The following MKRN2 variants were observed in gnomAD, a reference collection of about 807,000 sequenced individuals.
MKRN2 encodes the protein E3 ubiquitin-protein ligase makorin-2.
MKRN2 carries 32 observed loss-of-function variants against 45.4 expected under a neutral mutation model. The ratio of observed to expected loss-of-function variants is 0.70; its 90% confidence interval spans 0.53 to 0.95. MKRN2 has a LOEUF of 0.95. Ranked by LOEUF, MKRN2 falls within the 40% of genes least tolerant of loss-of-function variation. The pLI is 0.00. For synonymous variants in MKRN2, 206 were observed against 192.4 expected (o/e 1.07, Z -0.59); for missense variants, 526 against 536.7 (o/e 0.98, Z 0.20).
intron 1 of MKRN2, chr3:12,561,049 T>A (rs1199380737): frequency 6.6e-6 from 1 of 152,208 alleles, no homozygotes; most frequent in Non-Finnish European, 1.5e-5. Flanking sequence ...TGGTGACATA[T>A]GCTACAAAAA....
intron 6 of MKRN2, among the ~76,000 whole-genome samples, chr3:12,580,792 C>A (rs1352760417): frequency 6.6e-6 from 1 of 152,302 alleles, no homozygotes; most frequent in South Asian, 2.1e-4. Flanking sequence ...ATGAAGCCGT[C>A]CTCAGAGAAC....
chr3:12,572,472 T>G, intron 4 of MKRN2, 99 bp downstream of exon 4: 2 of 1,113,396 alleles, frequency 1.8e-6, no homozygotes, highest in Non-Finnish European at 2.4e-6. Flanking sequence ...AAATCTGAAA[T>G]GTACTAAGTG....
chr3:12,581,028 G>T (rs377377207), intron 6 of MKRN2, among the ~76,000 whole-genome samples: 229 of 152,080 alleles, frequency 1.5e-3, no homozygotes, highest in African/African-American at 5.2e-3. Flanking sequence ...CTTCAGTTTG[G>T]GATCCTTTAT....
intron 1 of MKRN2, among the ~76,000 whole-genome samples, chr3:12,558,951 GGTCAT>G (rs2058010256): frequency 2.0e-5 from 3 of 152,180 alleles, no homozygotes; most frequent in Non-Finnish European, 4.4e-5. Flanking sequence ...ACTTGCCTAA[GGTCAT>G]TTAGCTTCCA....
At chr3:12,568,261 C>G (rs538538235) in intron 1 of MKRN2, among the ~76,000 whole-genome samples, 46 of 152,256 alleles carry the variant, frequency 3.0e-4, no homozygotes, top group Non-Finnish European at 4.4e-5. Flanking sequence ...GCACTTCAGC[C>G]TGGGTGACAG....
intron 2 of MKRN2, 34 bp downstream of exon 2, chr3:12,569,037 C>T (rs375205069): frequency 9.4e-6 from 15 of 1,591,812 alleles, no homozygotes; most frequent in African/African-American, 2.7e-5. Context: ...AGCTGTGACA[C>T]TGATTTCATT....
rs1417292448 is a variant in MKRN2, at chr3:12,583,440, A to G, written c.*1187A>G. 1 of 190,802 alleles carries G rather than the reference A, an allele frequency of 5.2e-6. No individual in the cohort carries two copies. Among genetic ancestry groups the G allele is most frequent in the African/African-American group, 2.3e-5 (1 of 43,010 alleles). The allele number at this position is 190,802 out of a possible 1,614,324, so 11.8% of individuals were successfully genotyped here. A position where few individuals can be genotyped will look rare whatever the true frequency, so the allele number is the denominator to read the frequency against. ...TAATTTTTATACTTAACTCTTCAGT[A>G]GAGGTTTACAAAGAGTACAAAGGTT... On this transcript the variant is annotated 3_prime_UTR_variant, in exon 8 of 8. Coordinates refer to ENST00000170447, the MANE Select transcript of MKRN2 (RefSeq NM_014160.5).
rs1210975991 is a variant in MKRN2 at position 12,574,884 on chromosome 3, C to T, written c.735C>T (p.Ile245=). The stretch of plus-strand genomic sequence containing the variant: ...TGTGCAGTATCTGCATGGAAGTGAT[C>T]CTGGAGAAGGCCTCTGCTTCTGAGA... ...DKVCSICMEV[I]LEKASASERR... is the part of the protein sequence containing the mutation. Residue 245 remains isoleucine, a synonymous_variant, in exon 5 of 8, where the codon ATC becomes ATT. Coordinates refer to ENST00000170447, the MANE Select transcript of MKRN2 (RefSeq NM_014160.5). 3.1e-6 allele frequency: 5 copies of T among 1,614,072 alleles called. No individual in the cohort carries two copies. The highest frequency in any genetic ancestry group is 4.2e-6 in the Non-Finnish European group (5 of 1,180,018).
At chr3:12,577,089 C>T (rs2058145635) in intron 6 of MKRN2, 1 of 156,544 alleles carries the variant, frequency 6.4e-6, no homozygotes, top group South Asian at 1.9e-4. Flanking sequence ...GTGTGCGCCA[C>T]CATGCCCAGC....
Position 12,583,261 on chromosome 3 carries a change from G to A in MKRN2, c.*1008G>A, listed in dbSNP as rs767374313. 3.9e-5 allele frequency: 6 copies of A among 152,412 alleles called. No homozygotes were observed. Among genetic ancestry groups the A allele is most frequent in the Non-Finnish European group, 8.8e-5 (6 of 68,168 alleles). 9.4% of individuals were successfully genotyped at this position (152,412 alleles called of 1,614,324 possible). A position where few individuals can be genotyped will look rare whatever the true frequency, so the allele number is the denominator to read the frequency against. ...CATTTTGATTTTAATTGAAGGGTGAGCATAACCTTGTGAACCAGCACTAGC... is the reference window on the plus strand; with the variant it reads ...CATTTTGATTTTAATTGAAGGGTGAACATAACCTTGTGAACCAGCACTAGC... On this transcript the variant is annotated 3_prime_UTR_variant, in exon 8 of 8. Coordinates refer to ENST00000170447, the MANE Select transcript of MKRN2 (RefSeq NM_014160.5).
At chr3:12,563,087 G>C (rs576541356) in intron 1 of MKRN2, among the ~76,000 whole-genome samples, 1 of 152,228 alleles carries the variant, frequency 6.6e-6, no homozygotes, top group Non-Finnish European at 1.5e-5. Context: ...GGTGTTTCCT[G>C]GGGAAAGCCT....
intron 4 of MKRN2, among the ~76,000 whole-genome samples, chr3:12,574,081 A>G (rs2442804): frequency 0.64 from 97,449 of 151,812 alleles, 33,605 homozygotes; most frequent in African/African-American, 0.88. Context: ...GATAATCAAG[A>G]GGTAAATTAG....
At chr3:12,572,674 CCCTGGCTCAGGTGATCCT>C (rs2058107029) in intron 4 of MKRN2, among the ~76,000 whole-genome samples, 1 of 151,952 alleles carries the variant, frequency 6.6e-6, no homozygotes, top group Non-Finnish European at 1.5e-5. Flanking sequence ...ACCTCTGCTT[CCCTGGCTCAGGTGATCCT>C]CCTGCCTCAG....
chr3:12,564,866 C>A (rs183879323), intron 1 of MKRN2, among the ~76,000 whole-genome samples: 3 of 152,230 alleles, frequency 2.0e-5, no homozygotes, highest in Admixed American at 6.5e-5. Context: ...TAAATGGAAT[C>A]ATGCAACATG....
Position 12,576,775 on chromosome 3 carries a change from G to T in MKRN2, c.968+34G>T, listed in dbSNP as rs530285690. 3.4e-4 allele frequency: 498 copies of T among 1,455,074 alleles called. 3 individuals are homozygous for T. In the South Asian group the frequency reaches 5.4e-3, roughly 16 times the overall value. The allele number at this position is 1,455,074 out of a possible 1,614,324, so 90.1% of individuals were successfully genotyped here. ...TTTTGAGTTTCGACGTGCCCCTGCT[G>T]CCTGCCTGGCTCTGCTGTCAGCCCG... On this transcript the variant is annotated intron_variant, in intron 6 of 7. Coordinates refer to ENST00000170447, the MANE Select transcript of MKRN2 (RefSeq NM_014160.5).
chr3:12,561,344 T>C (rs1277047455), intron 1 of MKRN2, among the ~76,000 whole-genome samples: 2 of 152,342 alleles, frequency 1.3e-5, no homozygotes, highest in Admixed American at 1.3e-4. Flanking sequence ...GGTAGAATTA[T>C]AAAAGGCATC....
In MKRN2 at chr3:12,570,077, C is replaced by T. The variant is rs2058089402; in HGVS notation, c.162C>T (p.Asp54=). ...TGCTGTGTGTTTTGTTTAGATATGA[C>T]CACACGAGGCCCTCTGCTGCAGCTG... is the stretch of plus-strand genomic sequence containing the variant. ...YCAYGTRCRY[D]HTRPSAAAGG... Residue 54 remains aspartate (D), a synonymous_variant, in exon 3 of 8, where the codon GAC becomes GAT. Coordinates refer to ENST00000170447, the MANE Select transcript of MKRN2 (RefSeq NM_014160.5). The T allele has an allele frequency of 1.2e-6, 2 of 1,608,746 alleles. No individual in the cohort carries two copies. Among genetic ancestry groups the T allele is most frequent in the Non-Finnish European group, 1.7e-6 (2 of 1,178,248 alleles).
chr3:12,564,890 C>T (rs1161748900), intron 1 of MKRN2, among the ~76,000 whole-genome samples: 1 of 152,174 alleles, frequency 6.6e-6, no homozygotes, highest in African/African-American at 2.4e-5. Context: ...TCTTTTGTGT[C>T]CAGCTTCTTT....
chr3:12,576,112 T>C (rs780777963), intron 5 of MKRN2, among the ~76,000 whole-genome samples: 1 of 152,140 alleles, frequency 6.6e-6, no homozygotes, highest in Non-Finnish European at 1.5e-5. Flanking sequence ...CTGTTCAAAG[T>C]GGCTGCACCC....
Sources: gnomAD v4.1 joint callset for allele counts (sites outside exome capture counted in the v4.1 genomes callset) on GRCh38, gnomAD v4.1.1 for gene constraint, MANE v1.5 for transcripts, NCBI Gene and HGNC (gene_info 2026-07-23, HGNC 2026-07-21) for gene names.